KANSL1: variants seen among roughly 807,000 people sequenced by gnomAD.
KANSL1 encodes the protein MLL1/MLL complex subunit KANSL1.
KANSL1 carries 22 observed loss-of-function variants against 103.6 expected under a neutral mutation model. That is an observed-to-expected ratio of 0.21 (90% CI 0.15 to 0.30). The LOEUF (loss-of-function observed/expected upper bound fraction) is 0.30, where lower values mean the gene tolerates loss of function less well. KANSL1 is among the 10% of genes least tolerant of loss of function. The probability of loss-of-function intolerance (pLI) is 1.00; values close to 1 mark genes in which losing one functional copy is unlikely to be tolerated. For synonymous variants in KANSL1, 600 were observed against 527.6 expected (o/e 1.14, Z -1.88); for missense variants, 1,337 against 1,399.8 (o/e 0.96, Z 0.72).
intron 1 of KANSL1, among the ~76,000 whole-genome samples, chr17:46,206,083 C>CAA (rs71226716): frequency 5.0e-3 from 443 of 89,316 alleles, no homozygotes; most frequent in Non-Finnish European, 6.6e-3. Flanking sequence ...CTGTGTCCCC[C>CAA]AAAAAAAAAA....
At chr17:46,129,171 C>A (rs1298028576) in intron 2 of KANSL1, among the ~76,000 whole-genome samples, 4 of 152,138 alleles carry the variant, frequency 2.6e-5, no homozygotes, top group Admixed American at 2.6e-4. Context: ...TTGTCCTATT[C>A]AGGTCCTTGA....
chr17:46,129,233 T>C (rs1237586855), intron 2 of KANSL1, among the ~76,000 whole-genome samples: 2 of 152,208 alleles, frequency 1.3e-5, no homozygotes. Flanking sequence ...GACCTGCTTC[T>C]TTCCCTACAG....
At chr17:46,053,007 G>C (rs1406736566) in intron 6 of KANSL1, among the ~76,000 whole-genome samples, 7 of 107,694 alleles carry the variant, frequency 6.5e-5, no homozygotes, top group African/African-American at 2.5e-4. Context: ...AAAAAAAAAG[G>C]CTGCGCATGG....
At chr17:46,186,362 G>A (rs1597915832) in intron 1 of KANSL1, among the ~76,000 whole-genome samples, 1 of 150,494 alleles carries the variant, frequency 6.6e-6, no homozygotes, top group Admixed American at 6.6e-5. Context: ...CCAGCCTGGG[G>A]CACAGAGCGA....
intron 3 of KANSL1, among the ~76,000 whole-genome samples, chr17:46,089,262 T>C (rs1438798932): frequency 6.6e-6 from 1 of 152,228 alleles, no homozygotes; most frequent in African/African-American, 2.4e-5. Flanking sequence ...CTAGAAGTTA[T>C]ATTCTTTCTC....
intron 2 of KANSL1, among the ~76,000 whole-genome samples, chr17:46,155,355 G>A (rs1969520): frequency 0.11 from 16,898 of 149,332 alleles, no homozygotes; most frequent in Non-Finnish European, 0.17. Context: ...ACAGGATTTC[G>A]CCATGTTGGC....
intron 2 of KANSL1, among the ~76,000 whole-genome samples, chr17:46,142,612 TCAAAA>T (rs139628243): frequency 0.11 from 16,939 of 149,714 alleles, no homozygotes; most frequent in Non-Finnish European, 0.17. Context: ...GCAGACTGTA[TCAAAA>T]CAAAACAAAA....
At chr17:46,181,063 A>G (rs975226632) in intron 1 of KANSL1, among the ~76,000 whole-genome samples, 2 of 152,234 alleles carry the variant, frequency 1.3e-5, no homozygotes, top group African/African-American at 4.8e-5. Context: ...ATAGGATGCA[A>G]TGAGAACTTC....
intron 2 of KANSL1, among the ~76,000 whole-genome samples, chr17:46,165,499 T>C (rs2045950299): frequency 6.6e-6 from 1 of 151,538 alleles, no homozygotes; most frequent in South Asian, 2.1e-4. Context: ...CCCAAAGTGC[T>C]GGGATTACAG....
intron 1 of KANSL1, among the ~76,000 whole-genome samples, chr17:46,183,506 C>A (rs1438398280): frequency 3.3e-5 from 5 of 151,986 alleles, no homozygotes; most frequent in Non-Finnish European, 5.9e-5. Flanking sequence ...CGCCACTGCA[C>A]TCCAGCCTGG....
rs560531350 is a variant in KANSL1, at chr17:46,171,693, G to C, written c.451C>G (p.Gln151Glu). Reference sequence around the variant, plus strand: ...TTAGCCAACCCATTTACAGGTGCTTGTGGCAGAGCTGTCTGACCACTCGTA... The same window carrying C: ...TTAGCCAACCCATTTACAGGTGCTTCTGGCAGAGCTGTCTGACCACTCGTA... ...MNTSGQTALP[Q>E]APVNGLAKKL... Residue 151 changes from glutamine (Q) to glutamate (E), a missense_variant, in exon 2 of 15, where the codon CAA (glutamine) becomes GAA (glutamate). This residue lies in a region of KANSL1 where 557 missense variants were observed against 476.4 expected (regional missense o/e 1.17). Coordinates refer to ENST00000432791, the MANE Select transcript of KANSL1 (RefSeq NM_015443.4). The C allele has an allele frequency of 1.3e-6, 2 of 1,553,890 alleles. No individual in the cohort carries two copies. The highest frequency in any genetic ancestry group is 1.7e-6 in the Non-Finnish European group (2 of 1,154,648).
At position 46,053,883 on chromosome 17, in the gene KANSL1, C is replaced by A. The variant is rs188415397; in HGVS notation, c.1849-3179G>T. On this transcript the variant is annotated intron_variant, in intron 6 of 14. Coordinates refer to ENST00000432791, the MANE Select transcript of KANSL1 (RefSeq NM_015443.4). The stretch of plus-strand genomic sequence containing the variant: ...ACACGCACACGCTCTTCCACTGAAA[C>A]AAGATGCCAAATCATCTGCATGAAT... 1.7e-3 allele frequency among the ~76,000 whole-genome samples: 261 copies of A among 152,290 alleles called. 1 individual carries two copies. Among genetic ancestry groups the A allele is most frequent in the Non-Finnish European group, 5.3e-4 (36 of 68,032 alleles).
At chr17:46,041,453 A>C (rs2077310831) in intron 7 of KANSL1, 1 of 152,200 alleles carries the variant, frequency 6.6e-6, no homozygotes, top group African/African-American at 2.4e-5. Flanking sequence ...AAAAGCCAGC[A>C]CATTTTTCCT....
At chr17:46,084,697 TAAAAAA>T (rs67108405) in intron 3 of KANSL1, among the ~76,000 whole-genome samples, 12 of 74,506 alleles carry the variant, frequency 1.6e-4, no homozygotes, top group African/African-American at 5.1e-4. Flanking sequence ...TTTTAAAAAT[TAAAAAA>T]AAAAAAAAAA....
In KANSL1 at chr17:46,171,898, A is replaced by G. The variant is rs779137465; in HGVS notation, c.246T>C (p.Tyr82=). ...LGKLQPLVAS[Y]LCSDVTSVPS... ...GAACAGATGTTACATCAGAGCAGAG[A>G]TAAGATGCCACCAGTGGTTGCAGCT... The change falls in exon 2 of 15, where the codon TAT becomes TAC. Residue 82 remains tyrosine, a synonymous_variant. Coordinates refer to ENST00000432791, the MANE Select transcript of KANSL1 (RefSeq NM_015443.4). 6.2e-6 allele frequency: 10 copies of G among 1,614,270 alleles called. No individual in the cohort carries two copies. Among genetic ancestry groups the G allele is most frequent in the East Asian group, 2.2e-5 (1 of 44,888 alleles).
At chr17:46,198,422 T>TAA (rs58312564), upstream of KANSL1, among the ~76,000 whole-genome samples, 647 of 96,046 alleles carry the variant, frequency 6.7e-3, 25 homozygotes, top group Middle Eastern at 0.021. Context: ...CTACTTTAAT[T>TAA]AAAAAAAAAA....
chr17:46,031,412 C>T lies in KANSL1; in HGVS notation c.*64G>A. On this transcript the variant is annotated 3_prime_UTR_variant, in exon 15 of 15. Coordinates refer to ENST00000432791, the MANE Select transcript of KANSL1 (RefSeq NM_015443.4). Reference sequence around the variant, plus strand: ...CGGCATATGATGTTTGAATATCAAACGCAGAGATTTCTGAAGCTTTAATGC... The same window carrying T: ...CGGCATATGATGTTTGAATATCAAATGCAGAGATTTCTGAAGCTTTAATGC... 7.0e-7 allele frequency: 1 copy of T among 1,429,754 alleles called. No individual in the cohort carries two copies. The highest frequency in any genetic ancestry group is 9.5e-7 in the Non-Finnish European group (1 of 1,054,458). 88.6% of individuals were successfully genotyped at this position (1,429,754 alleles called of 1,614,324 possible). A position where few individuals can be genotyped will look rare whatever the true frequency, so the allele number is the denominator to read the frequency against.
chr17:46,034,211 A>C lies in KANSL1; in HGVS notation c.2616T>G (p.Ala872=), dbSNP rs1405001468. 6.2e-7 allele frequency: 1 copy of C among 1,614,206 alleles called. No individual in the cohort carries two copies. Among genetic ancestry groups the C allele is most frequent in the East Asian group, 2.2e-5 (1 of 44,890 alleles). The part of the protein sequence containing the change: ...INNIVIPMSV[A]ATTRVEKLQY... ...GCAGTTTCTCTACGCGAGTTGTTGC[A>C]GCAACAGACATTGGGATGACAATGT... Residue 872 remains alanine, a synonymous_variant, in exon 11 of 15, where the codon GCT becomes GCG. Coordinates refer to ENST00000432791, the MANE Select transcript of KANSL1 (RefSeq NM_015443.4).
chr17:46,212,098 TATAC>T (rs148989423), intron 1 of KANSL1, among the ~76,000 whole-genome samples: 1,573 of 152,344 alleles, frequency 0.01, 25 homozygotes, highest in African/African-American at 0.034. Flanking sequence ...GTGTGTAATA[TATAC>T]ATACATATTA....
Sources: allele counts gnomAD v4.1 joint callset (sites outside exome capture counted in the v4.1 genomes callset), GRCh38; gene constraint gnomAD v4.1.1; regional missense constraint gnomAD v4.1.1; transcripts MANE v1.5; gene names NCBI Gene and HGNC (gene_info 2026-07-23, HGNC 2026-07-21).